GBP3: variants seen among roughly 807,000 people sequenced by gnomAD.
GBP3 encodes the protein guanylate-binding protein 3.
Under a neutral mutation model 62.4 loss-of-function variants are expected in GBP3, and 55 were observed. The ratio of observed to expected loss-of-function variants is 0.88; its 90% CI spans 0.71 to 1.10. The LOEUF (loss-of-function observed/expected upper bound fraction) is 1.10. GBP3 is among the 50% of genes least tolerant of loss of function. The pLI is 0.00. For missense variants in GBP3, 605 were observed against 690.6 expected (o/e 0.88, Z 1.39); for synonymous variants, 208 against 259.2 (o/e 0.80, Z 1.90).
intron 1 of GBP3, among the ~76,000 whole-genome samples, chr1:89,021,958 A>T (rs1314140952): frequency 6.6e-6 from 1 of 151,938 alleles, no homozygotes; most frequent in African/African-American, 2.4e-5. Context: ...AGGTTAAAGT[A>T]AGCAAAGATA....
chr1:89,021,190 G>C (rs998206305), intron 1 of GBP3, among the ~76,000 whole-genome samples: 2 of 152,250 alleles, frequency 1.3e-5, no homozygotes, highest in Non-Finnish European at 2.9e-5. Flanking sequence ...AATTTCCAGA[G>C]ATTTATAAAT....
In GBP3 at chr1:89,009,019, C is replaced by A; in HGVS notation, c.1587G>T (p.Leu529Phe). 1 of 1,614,230 alleles carries A rather than the reference C, an allele frequency of 6.2e-7. No homozygotes were observed. The highest frequency in any genetic ancestry group is 8.5e-7 in the Non-Finnish European group (1 of 1,180,032). Residue 529 changes from leucine to phenylalanine, a missense_variant, in exon 10 of 11, where the codon TTG (leucine) becomes TTT (phenylalanine). By Grantham distance (22) the Leu-to-Phe change is conservative (BLOSUM62 0). Coordinates refer to ENST00000370481, the MANE Select transcript of GBP3 (RefSeq NM_018284.3). ...CCCTCTCCCTCTCCATCTTCTCAGT[C>A]AATTGTTTCACATGTTCTTGATAAC... The part of the protein sequence containing the change: ...EKSYQEHVKQ[L>F]TEKMERERAQ...
chr1:89,009,043 A>T lies in GBP3; in HGVS notation c.1563T>A (p.Ser521Arg), dbSNP rs773197183. ...YQQMMEEKEK[S>R]YQEHVKQLTE... ...TCAATTGTTTCACATGTTCTTGATA[A>T]CTCTTCTCTTTCTCTTCCATCATCT... The change falls in exon 10 of 11, where the codon AGT (serine) becomes AGA (arginine). Residue 521 changes from serine to arginine, a missense_variant. Physicochemically the swap from Ser to Arg is moderately radical, Grantham distance 110. Around this residue, in one of 3 missense-constraint regions of GBP3, gnomAD observed 160 missense variants for 147.8 expected, o/e 1.08. Transcript: ENST00000370481. 1.6e-5 allele frequency: 26 copies of T among 1,613,704 alleles called. No individual in the cohort carries two copies. Among genetic ancestry groups the T allele is most frequent in the Non-Finnish European group, 1.9e-5 (23 of 1,179,936 alleles).
chr1:89,012,894 G>A lies in GBP3; in HGVS notation c.868+291C>T, dbSNP rs1475947175. Among the ~76,000 whole-genome samples the A allele has an allele frequency of 2.1e-5, 3 of 140,152 alleles. 1 individual carries two copies. The highest frequency in any genetic ancestry group is 4.1e-4 in the East Asian group (2 of 4,904). 91.9% of individuals were successfully genotyped at this position (140,152 alleles called of 152,430 possible). A position where few individuals can be genotyped will look rare whatever the true frequency, so the allele number is the denominator to read the frequency against. On this transcript the variant is annotated intron_variant, in intron 6 of 10. Coordinates refer to ENST00000370481, the MANE Select transcript of GBP3 (RefSeq NM_018284.3). ...CCTCTGTCACCCAGGCTGGAGTGCA[G>A]TGGCGTGATCTCGTCTCACTGCAAC...
Position 89,020,746 on chromosome 1 carries a change from G to T in GBP3, c.-22-3C>A. On this transcript the variant is annotated splice_region_variant and splice_polypyrimidine_tract_variant and intron_variant, in intron 1 of 10. Transcript: ENST00000370481. ...TGTCCAGGGCATTGTTCTCTTGTCT[G>T]CAAGGGAAGAGTTGGAATGAATTAG... 1 of 1,603,518 alleles carries T rather than the reference G, an allele frequency of 6.2e-7. No individual in the cohort carries two copies. Among genetic ancestry groups the T allele is most frequent in the Non-Finnish European group, 8.5e-7 (1 of 1,171,770 alleles).
At chr1:89,017,163 A>G (rs1678927931) in intron 2 of GBP3, among the ~76,000 whole-genome samples, 1 of 152,200 alleles carries the variant, frequency 6.6e-6, no homozygotes. Flanking sequence ...AAACACTGTT[A>G]TCAACTAATG....
intron 2 of GBP3, among the ~76,000 whole-genome samples, chr1:89,017,460 CAGAT>C (rs2101156711): frequency 6.6e-6 from 1 of 152,110 alleles, no homozygotes; most frequent in Admixed American, 6.5e-5. Flanking sequence ...AAAGGAAAAA[CAGAT>C]AACTTTGACT....
intron 2 of GBP3, among the ~76,000 whole-genome samples, chr1:89,019,223 C>G (rs966476671): frequency 2.0e-5 from 3 of 152,218 alleles, no homozygotes; most frequent in Admixed American, 6.5e-5. Flanking sequence ...CAAGTGTCAA[C>G]TGACAAGCGA....
chr1:89,009,105 C>T lies in GBP3; in HGVS notation c.1501G>A (p.Ala501Thr), dbSNP rs762068363. The T allele has an allele frequency of 6.2e-6, 10 of 1,614,096 alleles. No homozygotes were observed. Among genetic ancestry groups the T allele is most frequent in the Non-Finnish European group, 8.5e-6 (10 of 1,179,992 alleles). The change falls in exon 10 of 11, where the codon GCA becomes ACA. Residue 501 changes from alanine (A) to threonine (T), a missense_variant. Coordinates refer to ENST00000370481, the MANE Select transcript of GBP3 (RefSeq NM_018284.3). ...ATTTGCATTTCCTCCACCATTTTTGCTGAAGCCTGTGCAGATTCAGCTTTT... is the reference window on the plus strand; with the variant it reads ...ATTTGCATTTCCTCCACCATTTTTGTTGAAGCCTGTGCAGATTCAGCTTTT... Reference protein sequence around the residue: ...CVKAESAQASAKMVEEMQIKY... With the variant: ...CVKAESAQASTKMVEEMQIKY...
chr1:89,022,052 C>A (rs1403925798), intron 1 of GBP3, among the ~76,000 whole-genome samples: 38 of 140,642 alleles, frequency 2.7e-4, no homozygotes, highest in African/African-American at 5.6e-4. Flanking sequence ...CTCTCTCTCT[C>A]AAAAAAAAAA....
At chr1:89,020,436 C>A (rs1679120418) in intron 2 of GBP3, 96 bp downstream of exon 2, 6 of 1,439,950 alleles carry the variant, frequency 4.2e-6, no homozygotes, top group African/African-American at 2.8e-5. Flanking sequence ...TTAGCTTATT[C>A]CCAGTGCCAG....
intron 1 of GBP3, 117 bp from the exon 2 acceptor site, chr1:89,020,860 G>T: frequency 2.7e-6 from 2 of 742,892 alleles, no homozygotes; most frequent in South Asian, 1.9e-5. Context: ...GAGAGATGAG[G>T]GAAAATGTGT....
chr1:89,021,492 A>G (rs1470505137), intron 1 of GBP3, among the ~76,000 whole-genome samples: 3 of 131,512 alleles, frequency 2.3e-5, no homozygotes, highest in Admixed American at 7.7e-5. Context: ...TTGCTAAGAA[A>G]CACGCATGCG....
At chr1:89,020,476 GCT>G in intron 2 of GBP3, 54 bp downstream of exon 2, 1 of 1,596,482 alleles carries the variant, frequency 6.3e-7, no homozygotes, top group Non-Finnish European at 8.6e-7. Context: ...CATAATGGAT[GCT>G]GACTGTGTTG....
rs372300042 is a variant in GBP3, at chr1:89,011,123, T to A, written c.1150-7A>T. 3.4e-6 allele frequency: 5 copies of A among 1,461,590 alleles called. No homozygotes were observed. The South Asian group carries it at 5.9e-5, about 17-fold the overall frequency. 90.5% of individuals were successfully genotyped at this position (1,461,590 alleles called of 1,614,324 possible). On this transcript the variant is annotated splice_polypyrimidine_tract_variant and splice_region_variant and intron_variant, in intron 7 of 10. Transcript: ENST00000370481. The stretch of plus-strand genomic sequence containing the variant: ...GCTTTTTGTCTAGCTGGGCCTTTAA[T>A]GTAAAAATAGGAAGTAAAAAGAGTA...
Position 89,015,395 on chromosome 1 carries a change from T to G in GBP3, c.210A>C (p.Thr70=). 6.2e-7 allele frequency: 1 copy of G among 1,613,618 alleles called. No individual in the cohort carries two copies. The highest frequency in any genetic ancestry group is 1.3e-5 in the African/African-American group (1 of 74,980). The change falls in exon 3 of 11, where the codon ACA becomes ACC. Residue 70 remains threonine (T), a synonymous_variant. Coordinates refer to ENST00000370481, the MANE Select transcript of GBP3 (RefSeq NM_018284.3). ...AGATTCCTTTGGTGTGAGATTTCAC[T>G]GTGGAGCCCAGAGAGAAGCCTGTAA... ...GKNKGFSLGS[T]VKSHTKGIWM... is the part of the protein sequence containing the mutation.
At chr1:89,021,508 G>A (rs1017272921) in intron 1 of GBP3, among the ~76,000 whole-genome samples, 97 of 53,514 alleles carry the variant, frequency 1.8e-3, no homozygotes, top group Admixed American at 3.5e-3. Context: ...ATGCGCGCGC[G>A]CGCACACACA....
chr1:89,021,825 G>GTGCCAGCA (rs1414227988), intron 1 of GBP3, among the ~76,000 whole-genome samples: 12 of 147,526 alleles, frequency 8.1e-5, no homozygotes, highest in Non-Finnish European at 1.0e-4. Context: ...GAGAGAGAGA[G>GTGCCAGCA]AGAGAGAAAG....
Position 89,009,044 on chromosome 1 carries a change from C to G in GBP3, c.1562G>C (p.Ser521Thr). 1 of 1,614,174 alleles carries G rather than the reference C, an allele frequency of 6.2e-7. No homozygotes were observed. The highest frequency in any genetic ancestry group is 8.5e-7 in the Non-Finnish European group (1 of 1,179,988). Residue 521 changes from serine (S) to threonine (T), a missense_variant, in exon 10 of 11, where the codon AGT becomes ACT. Physicochemically the swap from Ser to Thr is moderately conservative, Grantham distance 58. Transcript: ENST00000370481. ...CAATTGTTTCACATGTTCTTGATAACTCTTCTCTTTCTCTTCCATCATCTG... is the reference window on the plus strand; with the variant it reads ...CAATTGTTTCACATGTTCTTGATAAGTCTTCTCTTTCTCTTCCATCATCTG... ...YQQMMEEKEK[S>T]YQEHVKQLTE...
Sources: allele counts gnomAD v4.1 joint callset (sites outside exome capture counted in the v4.1 genomes callset), GRCh38; gene constraint gnomAD v4.1.1; regional missense constraint gnomAD v4.1.1; transcripts MANE v1.5; gene names NCBI Gene and HGNC (gene_info 2026-07-23, HGNC 2026-07-21).